PDE7B: variants seen among roughly 807,000 people sequenced by gnomAD.
PDE7B encodes phosphodiesterase 7B.
In PDE7B, 29 loss-of-function variants were observed where a neutral mutation model predicts 56.2. The ratio of observed to expected loss-of-function variants is 0.52; its 90% CI spans 0.38 to 0.70. The LOEUF is 0.70. PDE7B is among the 30% of genes least tolerant of loss of function. The pLI is 0.00. For missense variants in PDE7B, 490 were observed against 565.0 expected, an observed-to-expected ratio of 0.87 and a Z score of 1.35; for synonymous variants, 197 against 196.9, an observed-to-expected ratio of 1.00 and a Z score of 0.00.
At chr6:135,914,822 T>C (rs1776272565) in intron 1 of PDE7B, among the ~76,000 whole-genome samples, 1 of 143,560 alleles carries the variant, frequency 7.0e-6, no homozygotes, top group Non-Finnish European at 1.5e-5. Flanking sequence ...TGGCCTGGCG[T>C]GGTGGCTCAC....
At chr6:136,045,517 C>T (rs1003687165) in intron 2 of PDE7B, among the ~76,000 whole-genome samples, 4 of 152,134 alleles carry the variant, frequency 2.6e-5, no homozygotes, top group Non-Finnish European at 5.9e-5. Context: ...TCTGCTGTAA[C>T]ACAAATGCTG....
In PDE7B at chr6:135,889,502, G is replaced by A. The variant is rs1414057986; in HGVS notation, c.21+37483G>A. Among the ~76,000 whole-genome samples, 7 of 136,486 alleles carry A rather than the reference G, an allele frequency of 5.1e-5. No homozygotes were observed. The South Asian group carries it at 1.2e-3, about 23-fold the overall frequency. The allele number at this position is 136,486 out of a possible 152,430, so 89.5% of individuals were successfully genotyped here. ...CTCTGTCATCCAGGAGTGCAATGAC[G>A]CAATCTCGGCTCACTGTAACCTCCA... On this transcript the variant is annotated intron_variant, in intron 1 of 12. Transcript: ENST00000308191.
chr6:135,868,400 T>C (rs1006273902), intron 1 of PDE7B, among the ~76,000 whole-genome samples: 63 of 152,234 alleles, frequency 4.1e-4, no homozygotes, highest in African/African-American at 1.4e-3. Flanking sequence ...TTTATCAGGA[T>C]GATGGTGGAA....
In PDE7B at chr6:136,191,845, C is replaced by T; in HGVS notation, c.*5C>T. ...CAGGAAGGCGACAGCCCCTAGGGGC[C>T]GGCCCAACTTAGACGCGGCTCTCCT... On this transcript the variant is annotated 3_prime_UTR_variant, in exon 13 of 13. Coordinates refer to ENST00000308191, the MANE Select transcript of PDE7B (RefSeq NM_018945.4). 2.6e-6 allele frequency: 4 copies of T among 1,546,278 alleles called. No homozygotes were observed. Among genetic ancestry groups the T allele is most frequent in the Non-Finnish European group, 3.5e-6 (4 of 1,144,330 alleles).
At chr6:136,178,258 T>A (rs1361042892) in intron 9 of PDE7B, among the ~76,000 whole-genome samples, 1 of 152,170 alleles carries the variant, frequency 6.6e-6, no homozygotes, top group Non-Finnish European at 1.5e-5. Context: ...AGGTGTTCAT[T>A]TTCTATTTAT....
chr6:136,145,982 C>T (rs911974492), intron 3 of PDE7B, among the ~76,000 whole-genome samples: 1 of 152,150 alleles, frequency 6.6e-6, no homozygotes, highest in African/African-American at 2.4e-5. Context: ...TGTCTAAATA[C>T]AACATGTGTA....
intron 2 of PDE7B, among the ~76,000 whole-genome samples, chr6:136,105,801 A>G (rs1269022960): frequency 6.6e-6 from 1 of 152,200 alleles, no homozygotes; most frequent in Admixed American, 6.5e-5. Context: ...ATTTGGCCAC[A>G]GGGTACTCTT....
At chr6:135,854,886 T>G (rs538837482) in intron 1 of PDE7B, among the ~76,000 whole-genome samples, 3 of 152,318 alleles carry the variant, frequency 2.0e-5, no homozygotes, top group South Asian at 2.1e-4. Context: ...TGTTAGAAAT[T>G]TCAGTACAGA....
At chr6:135,945,601 G>C (rs1017999559) in intron 1 of PDE7B, among the ~76,000 whole-genome samples, 1 of 152,114 alleles carries the variant, frequency 6.6e-6, no homozygotes, top group Non-Finnish European at 1.5e-5. Flanking sequence ...CAGGTGTGAA[G>C]AACATGAATT....
intron 3 of PDE7B, among the ~76,000 whole-genome samples, chr6:136,113,188 G>A (rs114552156): frequency 2.0e-3 from 310 of 152,282 alleles, no homozygotes; most frequent in African/African-American, 7.2e-3. Context: ...GTGAGGTAAT[G>A]CATAAGTTAT....
At chr6:136,138,270 G>A (rs1778250656) in intron 3 of PDE7B, among the ~76,000 whole-genome samples, 1 of 152,082 alleles carries the variant, frequency 6.6e-6, no homozygotes. Context: ...TGGTAGCTAT[G>A]CACTGGGAGT....
At chr6:136,142,428 T>G (rs1193732553) in intron 3 of PDE7B, among the ~76,000 whole-genome samples, 3 of 152,202 alleles carry the variant, frequency 2.0e-5, no homozygotes. Context: ...GAATGTATAT[T>G]CTGTTGATTT....
chr6:135,996,530 A>G (rs547248899), intron 2 of PDE7B, among the ~76,000 whole-genome samples: 129 of 152,376 alleles, frequency 8.5e-4, no homozygotes, highest in Non-Finnish European at 9.8e-4. Context: ...AGGCAAAAGC[A>G]CAGATTTTTA....
At chr6:136,149,935 G>A (rs982514191) in intron 5 of PDE7B, among the ~76,000 whole-genome samples, 1 of 152,138 alleles carries the variant, frequency 6.6e-6, no homozygotes, top group Non-Finnish European at 1.5e-5. Context: ...AGTGTGGAAA[G>A]AAAACTAGAT....
At chr6:135,921,082 A>G (rs1774069090) in intron 1 of PDE7B, among the ~76,000 whole-genome samples, 2 of 152,178 alleles carry the variant, frequency 1.3e-5, no homozygotes, top group South Asian at 2.1e-4. Context: ...AGGATCGCCT[A>G]TTAAAGTCAG....
At chr6:136,186,902 C>T (rs914376552) in intron 11 of PDE7B, 134 bp from the exon 12 acceptor site, 1 of 667,218 alleles carries the variant, frequency 1.5e-6, no homozygotes, top group Admixed American at 2.6e-5. Context: ...GCTGAAGGGT[C>T]CCTAAGGGAT....
chr6:136,169,678 G>A lies in PDE7B; in HGVS notation c.712-4119G>A, dbSNP rs571866901. 4.6e-5 allele frequency among the ~76,000 whole-genome samples: 7 copies of A among 152,250 alleles called. No homozygotes were observed. In the South Asian group the frequency reaches 6.2e-4, roughly 14 times the overall value. On this transcript the variant is annotated intron_variant, in intron 8 of 12. Transcript: ENST00000308191. ...TAGTCTTGCAAGTGAACACGTGAGC[G>A]ACTGAATTAAATGTCATCACAGGAT...
intron 2 of PDE7B, among the ~76,000 whole-genome samples, chr6:135,950,888 C>G (rs1022696560): frequency 6.6e-6 from 1 of 152,106 alleles, no homozygotes; most frequent in Admixed American, 6.6e-5. Context: ...TTAAATGAGA[C>G]ATAAGTGTAA....
intron 7 of PDE7B, among the ~76,000 whole-genome samples, chr6:136,154,563 T>C (rs891184779): frequency 6.6e-6 from 1 of 152,146 alleles, no homozygotes; most frequent in African/African-American, 2.4e-5. Context: ...ACTGCATGAG[T>C]TTTGATCAAC....
Sources: allele counts gnomAD v4.1 joint callset (sites outside exome capture counted in the v4.1 genomes callset), GRCh38; gene constraint gnomAD v4.1.1; transcripts MANE v1.5; gene names NCBI Gene and HGNC (gene_info 2026-07-23, HGNC 2026-07-21).